The following ANK3 variants were observed in gnomAD, a reference collection of about 807,000 sequenced individuals.
ANK3 encodes the protein ankyrin-3.
Under a neutral mutation model 370.9 loss-of-function variants are expected in ANK3, and 57 were observed. The observed-to-expected ratio is 0.15, with a 90% CI of 0.12 to 0.19. The LOEUF (loss-of-function observed/expected upper bound fraction) is 0.19. Ranked by LOEUF, ANK3 falls within the 10% of genes least tolerant of loss-of-function variation. The pLI is 1.00. For synonymous variants in ANK3, 1,929 were observed against 1,946.3 expected (o/e 0.99, Z 0.23); for missense variants, 4,439 against 5,302.1 (o/e 0.84, Z 5.06).
intron 1 of ANK3, among the ~76,000 whole-genome samples, chr10:60,675,323 G>A (rs981869621): frequency 2.6e-5 from 4 of 152,110 alleles, no homozygotes; most frequent in Non-Finnish European, 5.9e-5. Flanking sequence ...AAGGATTCAG[G>A]GTTTGAGGTC....
At position 60,069,903 on chromosome 10, in the gene ANK3, G is replaced by A. The variant is rs916671598; in HGVS notation, c.10978C>T (p.Pro3660Ser). 2.5e-6 allele frequency: 4 copies of A among 1,613,820 alleles called. No individual in the cohort carries two copies. In the African/African-American group the frequency reaches 4.0e-5, roughly 16 times the overall value. The change falls in exon 37 of 44, where the codon CCA becomes TCA. Residue 3660 changes from proline (P) to serine (S), a missense_variant. Pro to Ser is a moderately conservative substitution (Grantham distance 74). This residue lies in a region of ANK3 where 496 missense variants were observed against 529.3 expected (regional missense o/e 0.94). Coordinates refer to ENST00000280772, the MANE Select transcript of ANK3 (RefSeq NM_020987.5). Reference protein sequence around the residue: ...DKSMVTATPQPQSGDTTVETN... With the variant: ...DKSMVTATPQSQSGDTTVETN... ...TCTACAGTGGTGTCCCCTGACTGTG[G>A]CTGTGGTGTGGCAGTGACCATACTT...
In ANK3 at chr10:60,075,792, C is replaced by G. The variant is rs138602108; in HGVS notation, c.5089G>C (p.Ala1697Pro). The G allele has an allele frequency of 6.2e-7, 1 of 1,614,118 alleles. No homozygotes were observed. Among genetic ancestry groups the G allele is most frequent in the African/African-American group, 1.3e-5 (1 of 75,036 alleles). Reference sequence around the variant, plus strand: ...TTCACAGGTGATGAGAGAGAAGATGCCATTGTAATTTTGGCTGATGAAATG... The same window carrying G: ...TTCACAGGTGATGAGAGAGAAGATGGCATTGTAATTTTGGCTGATGAAATG... ...DVISSAKITM[A>P]SSLSSPVKQM... Residue 1697 changes from alanine (A) to proline (P), a missense_variant, in exon 37 of 44, where the codon GCA (alanine) becomes CCA (proline). Physicochemically the swap from Ala to Pro is conservative, Grantham distance 27. This residue lies in a region of ANK3 where 679 missense variants were observed against 791.0 expected (regional missense o/e 0.86). Coordinates refer to ENST00000280772, the MANE Select transcript of ANK3 (RefSeq NM_020987.5).
intron 2 of ANK3, among the ~76,000 whole-genome samples, chr10:60,435,583 T>C (rs1434636785): frequency 6.6e-6 from 1 of 152,180 alleles, no homozygotes; most frequent in Non-Finnish European, 1.5e-5. Context: ...CACTATCTAA[T>C]TTCAGAAAAT....
At chr10:60,138,826 G>C (rs576819365) in intron 24 of ANK3, 138 bp downstream of exon 24, 31 of 1,105,526 alleles carry the variant, frequency 2.8e-5, no homozygotes, top group Non-Finnish European at 3.7e-5. Flanking sequence ...GTGTATTTGC[G>C]TCGAGAACAT....
chr10:60,399,654 T>C (rs2063314784), intron 2 of ANK3, among the ~76,000 whole-genome samples: 1 of 152,172 alleles, frequency 6.6e-6, no homozygotes, highest in Non-Finnish European at 1.5e-5. Flanking sequence ...CCAGGTGGAC[T>C]GAATCTGCCC....
intron 11 of ANK3, among the ~76,000 whole-genome samples, chr10:60,204,180 A>T (rs1235490311): frequency 6.6e-6 from 1 of 152,234 alleles, no homozygotes; most frequent in Non-Finnish European, 1.5e-5. Flanking sequence ...ATGGAGGACA[A>T]TTAGGAAAAT....
intron 2 of ANK3, among the ~76,000 whole-genome samples, chr10:60,609,014 C>T (rs1323716095): frequency 6.6e-6 from 1 of 152,010 alleles, no homozygotes; most frequent in Admixed American, 6.6e-5. Flanking sequence ...CTTCTTAAAA[C>T]CTGCTACCTG....
chr10:60,626,254 T>C (rs1161001437), intron 1 of ANK3, among the ~76,000 whole-genome samples: 1 of 152,182 alleles, frequency 6.6e-6, no homozygotes, highest in Non-Finnish European at 1.5e-5. Context: ...TTGAAATATA[T>C]TTACTGTATT....
rs558405943 is a variant in ANK3 at position 60,275,452 on chromosome 10, T to C, written c.414+3322A>G. Among the ~76,000 whole-genome samples, 14 of 152,332 alleles carry C rather than the reference T, an allele frequency of 9.2e-5. No individual in the cohort carries two copies. The East Asian group carries it at 2.5e-3, about 27-fold the overall frequency. ...ATCCATGAAATTTTTCTACTCATTC[T>C]AGTTTTCTATGGCCAGCCTTTGCAC... On this transcript the variant is annotated intron_variant, in intron 4 of 43. Coordinates refer to ENST00000280772, the MANE Select transcript of ANK3 (RefSeq NM_020987.5).
chr10:60,205,764 G>A (rs868733545), intron 11 of ANK3, 28 bp downstream of exon 11: 2 of 1,525,984 alleles, frequency 1.3e-6, no homozygotes, highest in East Asian at 2.2e-5. Context: ...AGTATCTCAG[G>A]ACTCCCAGAA....
chr10:60,067,871 G>T, intron 38 of ANK3, 64 bp downstream of exon 38: 3 of 1,344,926 alleles, frequency 2.2e-6, no homozygotes, highest in South Asian at 1.4e-5. Flanking sequence ...ATATTGAACT[G>T]CTTGTGAGTA....
intron 41 of ANK3, among the ~76,000 whole-genome samples, chr10:60,059,094 A>G (rs558154923): frequency 6.6e-6 from 1 of 152,338 alleles, no homozygotes; most frequent in East Asian, 1.9e-4. Flanking sequence ...TAAAGTAAAG[A>G]CAACGTATAA....
intron 2 of ANK3, among the ~76,000 whole-genome samples, chr10:60,399,868 A>C (rs1329168774): frequency 2.0e-5 from 3 of 152,202 alleles, no homozygotes; most frequent in African/African-American, 4.8e-5. Flanking sequence ...TCTAATTTAA[A>C]TCAAATTTAA....
chr10:60,347,047 AAT>A (rs2055708191), intron 1 of ANK3, among the ~76,000 whole-genome samples: 5 of 68,644 alleles, frequency 7.3e-5, no homozygotes, highest in Admixed American at 1.5e-4. Context: ...ATTAGCAAGA[AAT>A]ATATGATATA....
rs1591579074 is a variant in ANK3, at chr10:60,196,163, T to G, written c.1869A>C (p.Ser623=). 6.2e-7 allele frequency: 1 copy of G among 1,613,824 alleles called. No individual in the cohort carries two copies. Among genetic ancestry groups the G allele is most frequent in the Non-Finnish European group, 8.5e-7 (1 of 1,179,856 alleles). ...TAGGTACCTTTGCGGCTGCGTGAGGTGAGGCTCCTTGGTCCAAAAGCAGAA... is the reference window on the plus strand; with the variant it reads ...TAGGTACCTTTGCGGCTGCGTGAGGGGAGGCTCCTTGGTCCAAAAGCAGAA... ...VALLLLDQGA[S]PHAAAKNGYT... The change falls in exon 16 of 44, where the codon TCA becomes TCC. Residue 623 remains serine (S), a synonymous_variant. Coordinates refer to ENST00000280772, the MANE Select transcript of ANK3 (RefSeq NM_020987.5).
At chr10:60,305,368 T>G (rs2044785105) in intron 1 of ANK3, among the ~76,000 whole-genome samples, 1 of 151,850 alleles carries the variant, frequency 6.6e-6, no homozygotes, top group South Asian at 2.1e-4. Flanking sequence ...AACCAGAAAA[T>G]AAGATGTCTG....
At chr10:60,552,174 C>T (rs146006887) in intron 2 of ANK3, among the ~76,000 whole-genome samples, 2 of 152,304 alleles carry the variant, frequency 1.3e-5, no homozygotes, top group East Asian at 1.9e-4. Context: ...ATTTCAGAGA[C>T]AGCAAGATAT....
At chr10:60,173,027 C>T in intron 19 of ANK3, 29 bp from the exon 20 acceptor site, 1 of 1,609,644 alleles carries the variant, frequency 6.2e-7, no homozygotes, top group Non-Finnish European at 8.5e-7. Flanking sequence ...AGAGATGATT[C>T]TTAATTCCTT....
At chr10:60,059,679 AG>A in intron 40 of ANK3, 1 of 1,587,084 alleles carries the variant, frequency 6.3e-7, no homozygotes. Context: ...CAAATTTCCA[AG>A]GTATTGAGGA....
Sources: allele counts gnomAD v4.1 joint callset (sites outside exome capture counted in the v4.1 genomes callset), GRCh38; gene constraint gnomAD v4.1.1; regional missense constraint gnomAD v4.1.1; transcripts MANE v1.5; gene names NCBI Gene and HGNC (gene_info 2026-07-23, HGNC 2026-07-21).